SPTA1: variants seen among roughly 807,000 people sequenced by gnomAD.
SPTA1 encodes spectrin alpha, erythrocytic 1, also known as spectrin alpha chain, erythrocytic 1.
In SPTA1, 177 loss-of-function variants were observed where a neutral mutation model predicts 324.7. The observed-to-expected ratio is 0.55, with a 90% confidence interval of 0.48 to 0.62. The LOEUF (loss-of-function observed/expected upper bound fraction) is 0.62, where lower values mean the gene tolerates loss of function less well. Among genes scored for constraint, SPTA1 ranks in the 20% least tolerant of loss-of-function variants. The pLI, the probability that SPTA1 is intolerant of heterozygous loss-of-function variation, is 0.00. For synonymous variants in SPTA1, 1,195 were observed against 1,041.3 expected (o/e 1.15, Z -2.84); for missense variants, 3,162 against 2,883.6 (o/e 1.10, Z -2.21).
chr1:158,652,316 A>G (rs981706777), intron 23 of SPTA1, 151 bp downstream of exon 23: 2 of 859,888 alleles, frequency 2.3e-6, no homozygotes, highest in East Asian at 5.2e-5. Flanking sequence ...TAGCAACTAC[A>G]ATACCTAGAG....
In SPTA1 at chr1:158,645,319, G is replaced by A. The variant is rs1202977916; in HGVS notation, c.4063C>T (p.Leu1355Phe). The change falls in exon 29 of 52, where the codon CTT becomes TTT. Residue 1355 changes from leucine to phenylalanine, a missense_variant. Leu to Phe is a conservative substitution (Grantham distance 22, BLOSUM62 0). Transcript: ENST00000643759. ...CTAGCATGGTGCCCACTGTCGATAA[G>A]TTCTGCACTGAAGTCCTCTAAGGCC... ...FQALEDFSAE[L>F]IDSGHHASPE... 7 of 1,613,876 alleles carry A rather than the reference G, an allele frequency of 4.3e-6. No individual in the cohort carries two copies. Among genetic ancestry groups the A allele is most frequent in the Non-Finnish European group, 5.1e-6 (6 of 1,179,970 alleles).
chr1:158,657,477 C>T lies in SPTA1; in HGVS notation c.2805G>A (p.Gly935=), dbSNP rs1652909711. 6.3e-7 allele frequency: 1 copy of T among 1,595,840 alleles called. No homozygotes were observed. The highest frequency in any genetic ancestry group is 8.6e-7 in the Non-Finnish European group (1 of 1,164,210). The change falls in exon 19 of 52, where the codon GGG becomes GGA. Residue 935 remains glycine (G), a splice_region_variant and synonymous_variant. Transcript: ENST00000643759. ...TNYGADEEAA[G]ALLKKHEAFL... Reference sequence around the variant, plus strand: ...AATGTTAAACCCACCCCCACCTTACCCCAGCTGCTTCTTCATCAGCACCAT... The same window carrying T: ...AATGTTAAACCCACCCCCACCTTACTCCAGCTGCTTCTTCATCAGCACCAT...
At chr1:158,650,002 G>T (rs1228878192) in intron 24 of SPTA1, 55 bp from the exon 25 acceptor site, 1 of 1,232,134 alleles carries the variant, frequency 8.1e-7, no homozygotes, top group African/African-American at 1.5e-5. Flanking sequence ...ACATGGCTCA[G>T]TGGCGTCTGA....
intron 33 of SPTA1, among the ~76,000 whole-genome samples, chr1:158,640,718 C>G (rs1651490661): frequency 6.6e-6 from 1 of 151,008 alleles, no homozygotes; most frequent in Non-Finnish European, 1.5e-5. Flanking sequence ...TAGGAAGAAT[C>G]AATGGCCATA....
chr1:158,651,333 G>A lies in SPTA1; in HGVS notation c.3477+34C>T, dbSNP rs775867925. On this transcript the variant is annotated intron_variant, in intron 24 of 51. Transcript: ENST00000643759. ...AATGAGGACTCCCAAAGCCCAACCTGGTAGTGAGGAGGAATGGAGGGAGCC... is the reference window on the plus strand; with the variant it reads ...AATGAGGACTCCCAAAGCCCAACCTAGTAGTGAGGAGGAATGGAGGGAGCC... 9.0e-6 allele frequency: 13 copies of A among 1,440,790 alleles called. No homozygotes were observed. In the African/African-American group the frequency reaches 9.8e-5, roughly 11 times the overall value. 89.3% of individuals were successfully genotyped at this position (1,440,790 alleles called of 1,614,324 possible).
At chr1:158,620,838 A>G (rs1649859610) in intron 43 of SPTA1, 1 of 128,522 alleles carries the variant, frequency 7.8e-6, no homozygotes, top group Non-Finnish European at 1.6e-5. Flanking sequence ...AGTAGTAAAC[A>G]TGAAAAAAAA....
chr1:158,613,936 A>G (rs1649405429), intron 49 of SPTA1, 69 bp from the exon 50 acceptor site: 3 of 1,528,154 alleles, frequency 2.0e-6, no homozygotes, highest in Non-Finnish European at 1.8e-6. Context: ...ACAGAAAGGA[A>G]TATGTCTTAT....
chr1:158,632,858 G>T (rs541143768), intron 39 of SPTA1, among the ~76,000 whole-genome samples: 2 of 150,458 alleles, frequency 1.3e-5, no homozygotes, highest in Admixed American at 6.6e-5. Flanking sequence ...ACTTATGTTT[G>T]CATTAAAATC....
In SPTA1 at chr1:158,620,206, C is replaced by T; in HGVS notation, c.6381G>A (p.Leu2127=). 1.2e-6 allele frequency: 2 copies of T among 1,614,120 alleles called. No individual in the cohort carries two copies. The highest frequency in any genetic ancestry group is 1.7e-6 in the Non-Finnish European group (2 of 1,180,020). ...CAGATAGGTGCTTCCAGGTCCTTTCCAGCACCTCCACTGTTAACCAGGTAT... is the reference window on the plus strand; with the variant it reads ...CAGATAGGTGCTTCCAGGTCCTTTCTAGCACCTCCACTGTTAACCAGGTAT... ...SPYTWLTVEV[L]ERTWKHLSDI... is the part of the protein sequence containing the mutation. The change falls in exon 44 of 52, where the codon CTG becomes CTA. Residue 2127 remains leucine (L), a synonymous_variant. Transcript: ENST00000643759.
chr1:158,665,192 C>T lies in SPTA1; in HGVS notation c.2220+1124G>A, dbSNP rs577210433. The stretch of plus-strand genomic sequence containing the variant: ...TCTTCAAGATGTCCTTTTTTGTTTG[C>T]TTTTAAAGAAAAAAATTAAACAAAT... On this transcript the variant is annotated intron_variant, in intron 16 of 51. Coordinates refer to ENST00000643759, the MANE Select transcript of SPTA1 (RefSeq NM_003126.4). Among the ~76,000 whole-genome samples, 4 of 151,982 alleles carry T rather than the reference C, an allele frequency of 2.6e-5. No homozygotes were observed. The East Asian group carries it at 7.7e-4, about 29-fold the overall frequency.
chr1:158,622,402 A>T (rs1412658), intron 43 of SPTA1, among the ~76,000 whole-genome samples: 51,427 of 151,638 alleles, frequency 0.34, 9,198 homozygotes, highest in African/African-American at 0.46. Context: ...ACATATTACA[A>T]CCATACATAT....
At chr1:158,666,787 T>C (rs996697746) in intron 15 of SPTA1, among the ~76,000 whole-genome samples, 1 of 152,228 alleles carries the variant, frequency 6.6e-6, no homozygotes, top group Non-Finnish European at 1.5e-5. Flanking sequence ...TGTTTCCTTA[T>C]GTGATTTTTA....
chr1:158,651,915 G>T lies in SPTA1; in HGVS notation c.3376-447C>A, dbSNP rs975946437. On this transcript the variant is annotated intron_variant, in intron 23 of 51. Coordinates refer to ENST00000643759, the MANE Select transcript of SPTA1 (RefSeq NM_003126.4). ...TCTCTCTCTCTCTCTCTCTCTGTGTGTGTGTGTGCGCGTGTGTGTGTGTTA... is the reference window on the plus strand; with the variant it reads ...TCTCTCTCTCTCTCTCTCTCTGTGTTTGTGTGTGCGCGTGTGTGTGTGTTA... Among the ~76,000 whole-genome samples the T allele has an allele frequency of 1.2e-3, 182 of 151,850 alleles. 1 individual carries two copies. In the Middle Eastern group the frequency reaches 0.014, roughly 11 times the overall value.
intron 4 of SPTA1, 126 bp from the exon 5 acceptor site, chr1:158,680,855 A>C: frequency 7.8e-7 from 1 of 1,283,730 alleles, no homozygotes; most frequent in Non-Finnish European, 1.1e-6. Flanking sequence ...GACTGGGAGA[A>C]GCTCTCCTGG....
chr1:158,652,401 T>A, intron 23 of SPTA1, 66 bp downstream of exon 23: 1 of 1,540,492 alleles, frequency 6.5e-7, no homozygotes, highest in Non-Finnish European at 9.0e-7. Flanking sequence ...TAAAAGATCA[T>A]GTAGAATATG....
rs1654249065 is a variant in SPTA1 at position 158,674,323 on chromosome 1, G to A, written c.1350+6C>T. The A allele has an allele frequency of 1.9e-6, 3 of 1,613,422 alleles. No homozygotes were observed. Among genetic ancestry groups the A allele is most frequent in the Non-Finnish European group, 2.5e-6 (3 of 1,179,454 alleles). On this transcript the variant is annotated splice_donor_region_variant and intron_variant, in intron 10 of 51. Coordinates refer to ENST00000643759, the MANE Select transcript of SPTA1 (RefSeq NM_003126.4). ...GAATTTGACAAACTCTGTTAAACTA[G>A]ATTACCTTTTCCCGAACTTCATCAG...
intron 51 of SPTA1, 67 bp from the exon 52 acceptor site, chr1:158,611,456 C>A: frequency 6.3e-7 from 1 of 1,580,344 alleles, no homozygotes; most frequent in Non-Finnish European, 8.7e-7. Context: ...TTGGGGCTTC[C>A]CATATTACGC....
At chr1:158,647,838 T>C (rs547927615) in intron 26 of SPTA1, 118 bp from the exon 27 acceptor site, 14 of 1,093,828 alleles carry the variant, frequency 1.3e-5, no homozygotes, top group Non-Finnish European at 1.7e-5. Context: ...TGTACAAGTA[T>C]GTCATCATAC....
At chr1:158,669,083 G>A (rs1428154828) in intron 14 of SPTA1, among the ~76,000 whole-genome samples, 1 of 152,088 alleles carries the variant, frequency 6.6e-6, no homozygotes, top group Non-Finnish European at 1.5e-5. Context: ...GATGCAGAGG[G>A]GAGCAGAAAA....
Sources: gnomAD v4.1 joint callset for allele counts (sites outside exome capture counted in the v4.1 genomes callset) on GRCh38, gnomAD v4.1.1 for gene constraint, MANE v1.5 for transcripts, NCBI Gene and HGNC (gene_info 2026-07-23, HGNC 2026-07-21) for gene names.